The following CREB5 variants were observed in gnomAD, a reference collection of about 807,000 sequenced individuals.
The protein encoded by CREB5 is cAMP responsive element binding protein 5, also known as cyclic AMP-responsive element-binding protein 5.
In CREB5, 19 loss-of-function variants were observed where a neutral mutation model predicts 57.1. The observed-to-expected ratio is 0.33, with a 90% CI of 0.23 to 0.49. The LOEUF is 0.49. CREB5 is among the 20% of genes least tolerant of loss of function. The pLI, the probability that CREB5 is intolerant of heterozygous loss-of-function variation, is 0.99. For synonymous variants in CREB5, 238 were observed against 238.3 expected (o/e 1.00, Z 0.01); for missense variants, 579 against 671.6 (o/e 0.86, Z 1.52).
chr7:28,765,434 A>G (rs62442178), intron 7 of CREB5, among the ~76,000 whole-genome samples: 2,004 of 152,364 alleles, frequency 0.013, 17 homozygotes, highest in Non-Finnish European at 0.021. Flanking sequence ...TTAGGTGTGT[A>G]GTGAAATATT....
intron 9 of CREB5, among the ~76,000 whole-genome samples, chr7:28,811,349 G>T (rs575436850): frequency 6.6e-6 from 1 of 152,252 alleles, no homozygotes; most frequent in Admixed American, 6.5e-5. Context: ...GAATCTGACA[G>T]GCACAGTAGT....
At chr7:28,611,133 C>T (rs1298937974) in intron 5 of CREB5, among the ~76,000 whole-genome samples, 1 of 152,006 alleles carries the variant, frequency 6.6e-6, no homozygotes, top group African/African-American at 2.4e-5. Context: ...GCAATTTCTC[C>T]TGCATGTTTC....
chr7:28,475,250 C>CTTTTTTTTTTTTTT (rs530903709), intron 1 of CREB5, among the ~76,000 whole-genome samples: 1 of 59,586 alleles, frequency 1.7e-5, no homozygotes, highest in African/African-American at 7.4e-5. Flanking sequence ...TCAGAAGTTT[C>CTTTTTTTTTTTTTT]TTTTTTTTTT....
At chr7:28,411,705 G>A (rs909966582), upstream of CREB5, among the ~76,000 whole-genome samples, 1 of 152,144 alleles carries the variant, frequency 6.6e-6, no homozygotes, top group African/African-American at 2.4e-5. Context: ...AGTTTATATT[G>A]CAAATATGTG....
chr7:28,716,734 A>C (rs4722835), intron 5 of CREB5, among the ~76,000 whole-genome samples: 57,566 of 152,104 alleles, frequency 0.38, 11,300 homozygotes, highest in Admixed American at 0.44. Context: ...GCCACATCCT[A>C]TACCTATCTG....
intron 1 of CREB5, among the ~76,000 whole-genome samples, chr7:28,332,431 A>G (rs185705654): frequency 2.0e-5 from 3 of 152,308 alleles, no homozygotes; most frequent in Non-Finnish European, 1.5e-5. Flanking sequence ...AGTATTCCTA[A>G]GTGCATAGCC....
At chr7:28,394,305 A>T (rs1287454552) in intron 1 of CREB5, among the ~76,000 whole-genome samples, 1 of 152,106 alleles carries the variant, frequency 6.6e-6, no homozygotes, top group Non-Finnish European at 1.5e-5. Flanking sequence ...AATAGAAAAC[A>T]GTTACAAATA....
intron 4 of CREB5, among the ~76,000 whole-genome samples, chr7:28,543,578 TAAAAAAA>T (rs34533813): frequency 2.2e-5 from 2 of 92,354 alleles, no homozygotes; most frequent in Admixed American, 1.3e-4. Flanking sequence ...TCATTTTAGG[TAAAAAAA>T]AAAAAAAAAA....
intron 7 of CREB5, among the ~76,000 whole-genome samples, chr7:28,773,135 A>G (rs551583474): frequency 6.6e-6 from 1 of 152,252 alleles, no homozygotes; most frequent in African/African-American, 2.4e-5. Context: ...TTTAAAATTA[A>G]TACTTTCTTA....
intron 5 of CREB5, among the ~76,000 whole-genome samples, chr7:28,668,813 G>A (rs564228090): frequency 4.6e-5 from 7 of 152,210 alleles, no homozygotes; most frequent in Admixed American, 1.3e-4. Context: ...CAGTTTTACC[G>A]GTGAGTGAGA....
chr7:28,481,499 C>T (rs1791331473), intron 1 of CREB5, among the ~76,000 whole-genome samples: 1 of 152,122 alleles, frequency 6.6e-6, no homozygotes, highest in South Asian at 2.1e-4. Context: ...TAAGGTACAG[C>T]CCCACTCTTG....
At chr7:28,710,659 G>A (rs1802356396) in intron 5 of CREB5, among the ~76,000 whole-genome samples, 1 of 152,076 alleles carries the variant, frequency 6.6e-6, no homozygotes, top group Non-Finnish European at 1.5e-5. Flanking sequence ...ATTAAATCAG[G>A]AAGCTGAAAT....
chr7:28,573,257 A>AG (rs1404088387), intron 5 of CREB5, among the ~76,000 whole-genome samples: 63 of 130,682 alleles, frequency 4.8e-4, no homozygotes, highest in African/African-American at 2.2e-3. Flanking sequence ...AATTGCAGAT[A>AG]GCTTTTTTTT....
At chr7:28,332,820 C>T (rs942437276) in intron 1 of CREB5, among the ~76,000 whole-genome samples, 10 of 152,148 alleles carry the variant, frequency 6.6e-5, no homozygotes, top group Non-Finnish European at 1.0e-4. Flanking sequence ...TTACTAGCTA[C>T]CTGGTTTTCA....
chr7:28,762,411 G>A (rs527804240), intron 7 of CREB5, among the ~76,000 whole-genome samples: 137 of 152,162 alleles, frequency 9.0e-4, no homozygotes, highest in Non-Finnish European at 1.3e-3. Context: ...CCTTTATTTT[G>A]TAACTTTATT....
chr7:28,452,691 G>A (rs1340199314), intron 1 of CREB5, among the ~76,000 whole-genome samples: 1 of 152,216 alleles, frequency 6.6e-6, no homozygotes, highest in South Asian at 2.1e-4. Context: ...GAGGGAAGCA[G>A]CAAGGTGTGG....
chr7:28,499,269 A>G (rs1792180475), intron 3 of CREB5, among the ~76,000 whole-genome samples: 1 of 151,824 alleles, frequency 6.6e-6, no homozygotes, highest in Non-Finnish European at 1.5e-5. Flanking sequence ...GAGAATTCCT[A>G]TTAAAACAAA....
At chr7:28,598,812 A>G (rs1050807769) in intron 5 of CREB5, among the ~76,000 whole-genome samples, 1 of 152,088 alleles carries the variant, frequency 6.6e-6, no homozygotes, top group African/African-American at 2.4e-5. Flanking sequence ...GTTTAGGGGG[A>G]TGGACGCGGG....
chr7:28,303,310 G>A (rs1785132432), intron 1 of CREB5, among the ~76,000 whole-genome samples: 1 of 152,094 alleles, frequency 6.6e-6, no homozygotes, highest in Non-Finnish European at 1.5e-5. Context: ...GAAAATTTGG[G>A]CCCTCACTTA....
Sources: allele counts gnomAD v4.1 joint callset (sites outside exome capture counted in the v4.1 genomes callset), GRCh38; gene constraint gnomAD v4.1.1; transcripts MANE v1.5; gene names NCBI Gene and HGNC (gene_info 2026-07-23, HGNC 2026-07-21).